MIB1: variants seen among roughly 807,000 people sequenced by gnomAD.
The protein encoded by MIB1 is MIB E3 ubiquitin protein ligase 1, also known as E3 ubiquitin-protein ligase MIB1.
Under a neutral mutation model 124.5 loss-of-function variants are expected in MIB1, and 278 were observed. That is an observed-to-expected ratio of 2.23 (90% confidence interval 2.02 to 2.47). MIB1 has a LOEUF of 2.47. Ranked by LOEUF, MIB1 falls within the 30% of genes most tolerant of loss-of-function variation. The pLI, the probability that MIB1 is intolerant of heterozygous loss-of-function variation, is 0.00. For synonymous variants in MIB1, 446 were observed against 429.4 expected, an observed-to-expected ratio of 1.04 and a Z score of -0.48; for missense variants, 957 against 1,254.4, an observed-to-expected ratio of 0.76 and a Z score of 3.58.
chr18:21,786,725 A>T (rs777300199), intron 6 of MIB1, among the ~76,000 whole-genome samples: 2 of 151,888 alleles, frequency 1.3e-5, no homozygotes, highest in African/African-American at 2.4e-5. Flanking sequence ...TGCTGTTGAG[A>T]GCCTCTGATG....
upstream of MIB1, among the ~76,000 whole-genome samples, chr18:21,738,819 A>C (rs1233170549): frequency 2.0e-4 from 5 of 24,870 alleles, no homozygotes; most frequent in African/African-American, 1.8e-3. Context: ...AAAAAAAAAA[A>C]AAAAAAAAAA....
At chr18:21,743,048 C>T (rs181397388) in intron 1 of MIB1, among the ~76,000 whole-genome samples, 4 of 152,316 alleles carry the variant, frequency 2.6e-5, no homozygotes, top group Admixed American at 2.6e-4. Flanking sequence ...TCCCAAAATG[C>T]TGGGATTACA....
At chr18:21,800,052 G>C in intron 9 of MIB1, 78 bp downstream of exon 9, 2 of 1,154,038 alleles carry the variant, frequency 1.7e-6, no homozygotes, top group Non-Finnish European at 2.4e-6. Context: ...CAATTACTAA[G>C]ATTTTGCCAG....
chr18:21,761,083 G>C (rs1444629999), intron 1 of MIB1, among the ~76,000 whole-genome samples: 5 of 152,090 alleles, frequency 3.3e-5, no homozygotes, highest in Admixed American at 3.3e-4. Flanking sequence ...CAATGAGGTT[G>C]CTTTAAATCA....
At chr18:21,770,525 G>A (rs1158658665) in intron 3 of MIB1, among the ~76,000 whole-genome samples, 1 of 151,864 alleles carries the variant, frequency 6.6e-6, no homozygotes, top group African/African-American at 2.4e-5. Flanking sequence ...TTGCTGTGTT[G>A]CCCAGGCTGG....
At chr18:21,764,251 T>C (rs2041131048) in intron 1 of MIB1, among the ~76,000 whole-genome samples, 1 of 152,078 alleles carries the variant, frequency 6.6e-6, no homozygotes, top group South Asian at 2.1e-4. Flanking sequence ...CTTCCTTGCT[T>C]CCCTCCTTCC....
chr18:21,713,924 A>G (rs1161613932), intron 1 of MIB1, among the ~76,000 whole-genome samples: 1 of 152,154 alleles, frequency 6.6e-6, no homozygotes, highest in Non-Finnish European at 1.5e-5. Context: ...TAAATTACAC[A>G]GGAAATTCAT....
At chr18:21,724,261 T>C (rs1480215435) in intron 1 of MIB1, 2 of 152,238 alleles carry the variant, frequency 1.3e-5, no homozygotes, top group East Asian at 3.8e-4. Flanking sequence ...GGATACAGAC[T>C]ATATCCTTAT....
intron 2 of MIB1, among the ~76,000 whole-genome samples, chr18:21,766,443 G>T (rs1272094750): frequency 1.3e-5 from 2 of 152,180 alleles, no homozygotes; most frequent in South Asian, 2.1e-4. Context: ...TGATGTTTTA[G>T]ACTGTGTTAG....
At chr18:21,800,534 G>A (rs1018143993) in intron 9 of MIB1, among the ~76,000 whole-genome samples, 1 of 152,052 alleles carries the variant, frequency 6.6e-6, no homozygotes, top group African/African-American at 2.4e-5. Context: ...TATCTTTTAA[G>A]TGGGCAGTTT....
intron 1 of MIB1, among the ~76,000 whole-genome samples, chr18:21,752,418 T>G (rs2040984735): frequency 2.6e-5 from 4 of 152,228 alleles, no homozygotes; most frequent in Admixed American, 1.3e-4. Context: ...GAGAAAATTT[T>G]CAGTTAGCAG....
intron 6 of MIB1, among the ~76,000 whole-genome samples, chr18:21,783,194 G>C (rs1460986126): frequency 6.6e-6 from 1 of 151,340 alleles, no homozygotes; most frequent in East Asian, 1.9e-4. Flanking sequence ...AGGGAGCACA[G>C]GGTTGGGTCA....
intron 6 of MIB1, 44 bp from the exon 7 acceptor site, chr18:21,791,330 T>C: frequency 6.7e-7 from 1 of 1,503,310 alleles, no homozygotes; most frequent in Non-Finnish European, 8.9e-7. Flanking sequence ...TGTATTAAAA[T>C]TAAGCAAAGC....
intron 15 of MIB1, among the ~76,000 whole-genome samples, chr18:21,845,464 T>C (rs1034515941): frequency 2.0e-5 from 3 of 152,222 alleles, no homozygotes; most frequent in Non-Finnish European, 4.4e-5. Context: ...TTTTCTTTTA[T>C]GTTTTGTACT....
At position 21,765,902 on chromosome 18, in the gene MIB1, A is replaced by G. The variant is rs34478849; in HGVS notation, c.360A>G (p.Leu120=). 2 of 1,614,178 alleles carry G rather than the reference A, an allele frequency of 1.2e-6. No individual in the cohort carries two copies. The highest frequency in any genetic ancestry group is 1.1e-5 in the South Asian group (1 of 91,082). ...GTTATCATGGAGATAAACATCATTT[A>G]AGACATCGCTTTTACCGAATTACTA... ...TVCYHGDKHH[L]RHRFYRITTP... Residue 120 remains leucine, a synonymous_variant, in exon 2 of 21, where the codon TTA becomes TTG. Coordinates refer to ENST00000261537, the MANE Select transcript of MIB1 (RefSeq NM_020774.4).
intron 7 of MIB1, among the ~76,000 whole-genome samples, chr18:21,795,629 TAAA>T (rs2041570006): frequency 6.6e-6 from 1 of 151,748 alleles, no homozygotes; most frequent in African/African-American, 2.4e-5. Context: ...AAGTTAAATT[TAAA>T]AAGGAAACTC....
intron 1 of MIB1, among the ~76,000 whole-genome samples, chr18:21,742,276 CTTTTTTTTTT>C: frequency 7.3e-6 from 1 of 136,754 alleles, no homozygotes; most frequent in South Asian, 2.4e-4. Flanking sequence ...GTGGAGATGC[CTTTTTTTTTT>C]TTTTTTTTAA....
At chr18:21,707,410 A>C (rs946300682) in intron 1 of MIB1, among the ~76,000 whole-genome samples, 13 of 152,226 alleles carry the variant, frequency 8.5e-5, no homozygotes, top group African/African-American at 2.2e-4. Context: ...AGGGAATAAA[A>C]GCAGGCTGCC....
chr18:21,827,866 A>G (rs184301187), intron 12 of MIB1: 4 of 152,120 alleles, frequency 2.6e-5, no homozygotes, highest in Admixed American at 2.0e-4. Context: ...AATTTCTGAT[A>G]CAAAAAATTT....
Sources: allele counts gnomAD v4.1 joint callset (sites outside exome capture counted in the v4.1 genomes callset), GRCh38; gene constraint gnomAD v4.1.1; transcripts MANE v1.5; gene names NCBI Gene and HGNC (gene_info 2026-07-23, HGNC 2026-07-21).